Variants in CHSY3 observed in about 807,000 individuals in gnomAD.
CHSY3 encodes the protein chondroitin sulfate synthase 3, also known as N-acetylgalactosaminyl-proteoglycan 3-beta-glucuronosyltransferase 3.
CHSY3 carries 35 observed loss-of-function variants against 67.2 expected under a neutral mutation model. The observed-to-expected ratio is 0.52, with a 90% CI of 0.40 to 0.69. The LOEUF (loss-of-function observed/expected upper bound fraction) is 0.69. CHSY3 is among the 30% of genes least tolerant of loss of function. The probability of loss-of-function intolerance (pLI) is 0.00; values close to 1 mark genes in which losing one functional copy is unlikely to be tolerated. For missense variants in CHSY3, 1,069 were observed against 1,138.5 expected (o/e 0.94, Z 0.88); for synonymous variants, 474 against 434.7 (o/e 1.09, Z -1.12).
intron 2 of CHSY3, among the ~76,000 whole-genome samples, chr5:130,060,904 GA>G (rs144957294): frequency 0.012 from 1,802 of 152,156 alleles, 31 homozygotes; most frequent in African/African-American, 0.041. Flanking sequence ...ACTGATGAAA[GA>G]AATCATAGAT....
intron 2 of CHSY3, among the ~76,000 whole-genome samples, chr5:130,009,830 T>C (rs1763995788): frequency 6.6e-6 from 1 of 151,908 alleles, no homozygotes; most frequent in South Asian, 2.1e-4. Flanking sequence ...TGAGGAAAGG[T>C]AGCTGTTCTA....
intron 2 of CHSY3, among the ~76,000 whole-genome samples, chr5:130,128,249 T>TGCGC (rs1561549785): frequency 2.0e-5 from 3 of 150,656 alleles, no homozygotes; most frequent in South Asian, 2.2e-4. Context: ...TGTGTGTGTG[T>TGCGC]GTGTGCGCTC....
chr5:130,020,534 G>T (rs56755216), intron 2 of CHSY3, among the ~76,000 whole-genome samples: 1 of 142,736 alleles, frequency 7.0e-6, no homozygotes, highest in Non-Finnish European at 1.5e-5. Context: ...GTTGCTTGAA[G>T]AAAGCTTTCT....
At chr5:130,148,193 C>T (rs947583403) in intron 2 of CHSY3, among the ~76,000 whole-genome samples, 1 of 152,160 alleles carries the variant, frequency 6.6e-6, no homozygotes, top group Non-Finnish European at 1.5e-5. Flanking sequence ...GGATAATGGT[C>T]TCTAGCTCCG....
At chr5:130,080,803 G>A (rs1766421089) in intron 2 of CHSY3, among the ~76,000 whole-genome samples, 1 of 151,838 alleles carries the variant, frequency 6.6e-6, no homozygotes, top group Non-Finnish European at 1.5e-5. Context: ...TACCTGTAGG[G>A]GCCAAGAGAA....
chr5:130,055,827 A>T (rs142450769), intron 2 of CHSY3, among the ~76,000 whole-genome samples: 1 of 152,116 alleles, frequency 6.6e-6, no homozygotes, highest in Non-Finnish European at 1.5e-5. Flanking sequence ...GTCTGAGCTC[A>T]TGCAGGGCAG....
intron 2 of CHSY3, among the ~76,000 whole-genome samples, chr5:130,008,256 A>C (rs1437135729): frequency 6.6e-6 from 1 of 152,086 alleles, no homozygotes; most frequent in Non-Finnish European, 1.5e-5. Context: ...TGTTGCCAGC[A>C]GACTGGGGAC....
chr5:130,096,686 G>A (rs911546629), intron 2 of CHSY3, among the ~76,000 whole-genome samples: 20 of 151,990 alleles, frequency 1.3e-4, no homozygotes, highest in African/African-American at 4.6e-4. Context: ...ATGACGTAAG[G>A]TGTTGCCAAC....
chr5:129,928,997 A>G (rs1761208410), intron 2 of CHSY3, among the ~76,000 whole-genome samples: 1 of 152,180 alleles, frequency 6.6e-6, no homozygotes, highest in African/African-American at 2.4e-5. Context: ...AAGACTATAT[A>G]TTCTTCTCAC....
At chr5:130,058,232 G>A (rs923156068) in intron 2 of CHSY3, among the ~76,000 whole-genome samples, 10 of 152,198 alleles carry the variant, frequency 6.6e-5, no homozygotes, top group East Asian at 1.9e-4. Context: ...CAAGGTACTC[G>A]TTGCTTTTGA....
intron 2 of CHSY3, among the ~76,000 whole-genome samples, chr5:129,950,103 G>T (rs1425294504): frequency 6.6e-6 from 1 of 150,798 alleles, no homozygotes; most frequent in Non-Finnish European, 1.5e-5. Flanking sequence ...AGGAGGCAGA[G>T]GTTGCAGTGA....
intron 2 of CHSY3, among the ~76,000 whole-genome samples, chr5:129,985,400 AG>A (rs1489519812): frequency 1.3e-5 from 2 of 151,968 alleles, no homozygotes; most frequent in African/African-American, 4.8e-5. Flanking sequence ...TTTTTATGCC[AG>A]TATCATGTTG....
At chr5:129,909,540 T>C (rs1407610774) in intron 2 of CHSY3, among the ~76,000 whole-genome samples, 1 of 152,064 alleles carries the variant, frequency 6.6e-6, no homozygotes, top group Non-Finnish European at 1.5e-5. Flanking sequence ...AATTTATTAG[T>C]CATTTGAAAT....
chr5:130,002,230 A>G (rs1325167414), intron 2 of CHSY3: 1 of 173,478 alleles, frequency 5.8e-6, no homozygotes, highest in East Asian at 1.9e-4. Flanking sequence ...TATTGGGAAA[A>G]CCTGCATAGC....
At chr5:129,908,641 T>C (rs1162192769) in intron 2 of CHSY3, among the ~76,000 whole-genome samples, 2 of 152,132 alleles carry the variant, frequency 1.3e-5, no homozygotes, top group Admixed American at 1.3e-4. Context: ...GATTTATTGG[T>C]GCTTATATAC....
chr5:130,058,392 C>G (rs1036947263), intron 2 of CHSY3, among the ~76,000 whole-genome samples: 7 of 152,256 alleles, frequency 4.6e-5, no homozygotes, highest in South Asian at 4.1e-4. Context: ...CTTTGGGAGG[C>G]TGAGGCAGGT....
chr5:129,979,445 C>T (rs190003416), intron 2 of CHSY3, among the ~76,000 whole-genome samples: 9 of 151,934 alleles, frequency 5.9e-5, no homozygotes, highest in Admixed American at 5.9e-4. Context: ...AGATTCTGGC[C>T]TTCCTTTTTT....
At chr5:129,910,353 G>A (rs1760493638) in intron 2 of CHSY3, among the ~76,000 whole-genome samples, 1 of 151,918 alleles carries the variant, frequency 6.6e-6, no homozygotes, top group Admixed American at 6.6e-5. Flanking sequence ...GTCTCAACAT[G>A]TTTTCCTAGC....
chr5:130,054,442 T>G (rs1253317381), intron 2 of CHSY3, among the ~76,000 whole-genome samples: 1 of 152,168 alleles, frequency 6.6e-6, no homozygotes, highest in Non-Finnish European at 1.5e-5. Flanking sequence ...GAATCAGGAT[T>G]CCTTGTTAGC....
Sources: allele counts gnomAD v4.1 joint callset (sites outside exome capture counted in the v4.1 genomes callset), GRCh38; gene constraint gnomAD v4.1.1; transcripts MANE v1.5; gene names NCBI Gene and HGNC (gene_info 2026-07-23, HGNC 2026-07-21).